The following TMEM150C variants were observed in gnomAD, a reference collection of about 807,000 sequenced individuals.
The protein encoded by TMEM150C is transmembrane protein 150C, also known as tentonin 3.
Under a neutral mutation model 29.9 loss-of-function variants are expected in TMEM150C, and 10 were observed. That is an observed-to-expected ratio of 0.33 (90% confidence interval 0.21 to 0.57). TMEM150C has a LOEUF of 0.57. TMEM150C is among the 20% of genes least tolerant of loss of function. The pLI, the probability that TMEM150C is intolerant of heterozygous loss-of-function variation, is 0.88. For missense variants in TMEM150C, 251 were observed against 303.6 expected (o/e 0.83, Z 1.29); for synonymous variants, 101 against 112.5 (o/e 0.90, Z 0.64).
chr4:82,503,137 G>C (rs959684200), intron 2 of TMEM150C, 25 bp from the exon 3 acceptor site: 1 of 1,510,686 alleles, frequency 6.6e-7, no homozygotes, highest in Middle Eastern at 2.3e-4. Flanking sequence ...TAAGTTTATA[G>C]AACAAAGAAA....
chr4:82,521,541 G>A (rs977568369), intron 1 of TMEM150C, among the ~76,000 whole-genome samples: 11 of 152,356 alleles, frequency 7.2e-5, no homozygotes, highest in African/African-American at 2.6e-4. Context: ...CACAGTACGA[G>A]TGATTAATTC....
At chr4:82,490,992 T>C in intron 6 of TMEM150C, 1 of 739,034 alleles carries the variant, frequency 1.4e-6, no homozygotes, top group South Asian at 1.4e-5. Flanking sequence ...AGCTCCTTTG[T>C]CTTCCAAGTT....
rs149160823 is a variant in TMEM150C, at chr4:82,485,143, C to T, written c.*368G>A. 4.2e-3 allele frequency: 844 copies of T among 203,010 alleles called. 12 individuals carry two copies. Among genetic ancestry groups the T allele is most frequent in the African/African-American group, 0.018 (786 of 42,984 alleles). 12.6% of individuals were successfully genotyped at this position (203,010 alleles called of 1,614,324 possible). On this transcript the variant is annotated 3_prime_UTR_variant, in exon 8 of 8. Coordinates refer to ENST00000449862, the MANE Select transcript of TMEM150C (RefSeq NM_001080506.3). The stretch of plus-strand genomic sequence containing the variant: ...AGCCCTTTGGACCTGAAGGCAACGT[C>T]GGGAGTTGGCATTACTCCCAAGGAA...
At chr4:82,518,183 G>A (rs2110077177) in intron 1 of TMEM150C, among the ~76,000 whole-genome samples, 1 of 152,236 alleles carries the variant, frequency 6.6e-6, no homozygotes, top group Non-Finnish European at 1.5e-5. Flanking sequence ...AGGCATATTG[G>A]TAGGCACCTG....
intron 1 of TMEM150C, among the ~76,000 whole-genome samples, chr4:82,556,651 ACT>A (rs1725745987): frequency 6.6e-6 from 1 of 152,042 alleles, no homozygotes; most frequent in South Asian, 2.1e-4. Context: ...AGTGAGTGAG[ACT>A]CTGTCTCTAT....
chr4:82,527,207 A>G (rs1180676389), intron 1 of TMEM150C, among the ~76,000 whole-genome samples: 1 of 151,704 alleles, frequency 6.6e-6, no homozygotes, highest in Non-Finnish European at 1.5e-5. Flanking sequence ...GTGAGAATGG[A>G]CACAAGAGAC....
chr4:82,554,433 C>T (rs1443802125), intron 1 of TMEM150C, among the ~76,000 whole-genome samples: 1 of 152,150 alleles, frequency 6.6e-6, no homozygotes, highest in Non-Finnish European at 1.5e-5. Flanking sequence ...CATGAATCAA[C>T]AGAATGAAAA....
intron 1 of TMEM150C, among the ~76,000 whole-genome samples, chr4:82,545,426 C>G (rs989686128): frequency 2.2e-4 from 34 of 152,334 alleles, no homozygotes; most frequent in African/African-American, 7.9e-4. Flanking sequence ...GACAAACCCA[C>G]AGCCAACATT....
intron 1 of TMEM150C, among the ~76,000 whole-genome samples, chr4:82,515,909 G>T (rs1178124857): frequency 6.6e-6 from 1 of 152,034 alleles, no homozygotes; most frequent in African/African-American, 2.4e-5. Context: ...CTGGTCTACA[G>T]CTTTGAAATA....
At chr4:82,540,110 T>A (rs1419648850) in intron 1 of TMEM150C, among the ~76,000 whole-genome samples, 2 of 112,820 alleles carry the variant, frequency 1.8e-5, no homozygotes, top group South Asian at 3.0e-4. Flanking sequence ...TGTTTCTACC[T>A]ATTCTTTTTT....
intron 7 of TMEM150C, 38 bp downstream of exon 7, chr4:82,490,023 C>A: frequency 6.3e-7 from 1 of 1,596,426 alleles, no homozygotes; most frequent in South Asian, 1.1e-5. Context: ...TTGTTTTCAT[C>A]TTACTGGCAA....
At chr4:82,541,390 T>C (rs564828758) in intron 1 of TMEM150C, among the ~76,000 whole-genome samples, 2 of 151,998 alleles carry the variant, frequency 1.3e-5, no homozygotes, top group South Asian at 4.2e-4. Context: ...AGCTCATTGC[T>C]CTCCTCATTT....
chr4:82,496,190 C>T lies in TMEM150C; in HGVS notation c.241G>A (p.Val81Met). ...VMNMAAFLAL[V>M]VAVLRFIQLK... is the part of the protein sequence containing the mutation. ...TGTATGAAGCGCAGAACAGCTACCA[C>T]AAGGGCTAGGAATAAAGCAAAGTCT... Residue 81 changes from valine (V) to methionine (M), a missense_variant, in exon 6 of 8, where the codon GTG (valine) becomes ATG (methionine). Val to Met is a conservative substitution (Grantham distance 21, BLOSUM62 1). Transcript: ENST00000449862. 2 of 1,613,836 alleles carry T rather than the reference C, an allele frequency of 1.2e-6. No homozygotes were observed. Among genetic ancestry groups the T allele is most frequent in the Non-Finnish European group, 1.7e-6 (2 of 1,179,784 alleles).
At chr4:82,502,034 T>C (rs948418938) in intron 5 of TMEM150C, among the ~76,000 whole-genome samples, 1 of 152,128 alleles carries the variant, frequency 6.6e-6, no homozygotes, top group African/African-American at 2.4e-5. Context: ...AGCCTGGCAC[T>C]GAGGAGATGG....
At chr4:82,500,162 G>C (rs1438682297) in intron 5 of TMEM150C, among the ~76,000 whole-genome samples, 1 of 152,190 alleles carries the variant, frequency 6.6e-6, no homozygotes, top group African/African-American at 2.4e-5. Flanking sequence ...TTCAATCTTT[G>C]ATTAGTCTGT....
At chr4:82,506,995 T>C (rs528388635) in intron 1 of TMEM150C, among the ~76,000 whole-genome samples, 1 of 152,258 alleles carries the variant, frequency 6.6e-6, no homozygotes, top group South Asian at 2.1e-4. Flanking sequence ...GGTCGTTACT[T>C]AAATCTGTGA....
chr4:82,507,095 G>A (rs1011852982), intron 1 of TMEM150C, among the ~76,000 whole-genome samples: 1 of 152,166 alleles, frequency 6.6e-6, no homozygotes, highest in African/African-American at 2.4e-5. Context: ...GCAAAGAAAG[G>A]GAGAAGGATG....
At chr4:82,548,779 G>T (rs1001036043) in intron 1 of TMEM150C, among the ~76,000 whole-genome samples, 1 of 152,234 alleles carries the variant, frequency 6.6e-6, no homozygotes, top group South Asian at 2.1e-4. Context: ...CCTGGGCTGG[G>T]TCTTCAGGGA....
intron 6 of TMEM150C, chr4:82,491,621 C>G: frequency 1.7e-6 from 1 of 590,190 alleles, no homozygotes; most frequent in East Asian, 2.9e-5. Context: ...CTTTGGCCTT[C>G]TTTCCTTTCA....
Sources: allele counts gnomAD v4.1 joint callset (sites outside exome capture counted in the v4.1 genomes callset), GRCh38; gene constraint gnomAD v4.1.1; transcripts MANE v1.5; gene names NCBI Gene and HGNC (gene_info 2026-07-23, HGNC 2026-07-21).